HPCAL1: variants seen among roughly 807,000 people sequenced by gnomAD.
The protein encoded by HPCAL1 is hippocalcin-like protein 1.
A neutral mutation model predicts 17.1 loss-of-function variants in HPCAL1; 8 were observed. The ratio of observed to expected loss-of-function variants is 0.47; its 90% CI spans 0.27 to 0.84. The LOEUF is 0.84. HPCAL1 is among the 40% of genes least tolerant of loss of function. The pLI, the probability that HPCAL1 is intolerant of heterozygous loss-of-function variation, is 0.13. For missense variants in HPCAL1, 165 were observed against 271.1 expected, an observed-to-expected ratio of 0.61 and a Z score of 2.75; for synonymous variants, 112 against 111.4, an observed-to-expected ratio of 1.01 and a Z score of -0.03.
In HPCAL1 at chr2:10,338,335, G is replaced by T. The variant is rs1231477832; in HGVS notation, c.-111+35158G>T. Among the ~76,000 whole-genome samples, 6 of 152,116 alleles carry T rather than the reference G, an allele frequency of 3.9e-5. No individual in the cohort carries two copies. In the East Asian group the frequency reaches 1.2e-3, roughly 29 times the overall value. Reference sequence around the variant, plus strand: ...CCCTTAAAAACACACAAAGCAAATTGACAAATTATTGGGAGGCAACATAAG... The same window carrying T: ...CCCTTAAAAACACACAAAGCAAATTTACAAATTATTGGGAGGCAACATAAG... On this transcript the variant is annotated intron_variant, in intron 1 of 4. Transcript: ENST00000307845.
At chr2:10,370,614 G>C (rs1266149759) in intron 1 of HPCAL1, among the ~76,000 whole-genome samples, 1 of 152,238 alleles carries the variant, frequency 6.6e-6, no homozygotes, top group Non-Finnish European at 1.5e-5. Flanking sequence ...GCTGCCCCAT[G>C]ATGCCAGGGC....
At chr2:10,353,003 G>A (rs1016402320) in intron 1 of HPCAL1, among the ~76,000 whole-genome samples, 1 of 152,212 alleles carries the variant, frequency 6.6e-6, no homozygotes, top group African/African-American at 2.4e-5. Context: ...TGCTTTGTCA[G>A]CTCTGTAGAG....
At chr2:10,399,397 TCACCACCACCACCACCAC>T (rs1558518182) in intron 2 of HPCAL1, among the ~76,000 whole-genome samples, 1 of 6,378 alleles carries the variant, frequency 1.6e-4, no homozygotes, top group Non-Finnish European at 2.6e-4. Context: ...ACCACCACCA[TCACCACCACCACCACCAC>T]CACCACCATC....
chr2:10,333,780 A>G (rs1035445766), intron 1 of HPCAL1, among the ~76,000 whole-genome samples: 1 of 152,116 alleles, frequency 6.6e-6, no homozygotes, highest in African/African-American at 2.4e-5. Context: ...TCTGAGCTAT[A>G]CCCCTCCAGA....
intron 1 of HPCAL1, among the ~76,000 whole-genome samples, chr2:10,309,966 C>T (rs908320288): frequency 6.6e-6 from 1 of 152,172 alleles, no homozygotes; most frequent in African/African-American, 2.4e-5. Context: ...ATTCTTGAAT[C>T]GGAGTATTAG....
At chr2:10,381,271 G>A (rs967523754) in intron 1 of HPCAL1, among the ~76,000 whole-genome samples, 2 of 152,206 alleles carry the variant, frequency 1.3e-5, no homozygotes, top group Non-Finnish European at 2.9e-5. Flanking sequence ...AGGATGTTAC[G>A]TTGTGCTTTG....
At position 10,359,015 on chromosome 2, in the gene HPCAL1, G is replaced by A. The variant is rs757763608; in HGVS notation, c.-110-37820G>A. On this transcript the variant is annotated intron_variant, in intron 1 of 4. Coordinates refer to ENST00000307845, the MANE Select transcript of HPCAL1 (RefSeq NM_002149.4). The surrounding 1 kb of genome is among the most constrained non-coding windows in gnomAD (Gnocchi z 4.1). Reference sequence around the variant, plus strand: ...GGGGTTGGAGCCCCACAGCCTGCCCGTCTGCATGCTCCCCTTGAGGTTTGA... The same window carrying A: ...GGGGTTGGAGCCCCACAGCCTGCCCATCTGCATGCTCCCCTTGAGGTTTGA... Among the ~76,000 whole-genome samples, 3 of 146,758 alleles carry A rather than the reference G, an allele frequency of 2.0e-5. No homozygotes were observed. The highest frequency in any genetic ancestry group is 4.2e-4 in the South Asian group (2 of 4,766).
chr2:10,370,958 G>A (rs1667166827), intron 1 of HPCAL1, among the ~76,000 whole-genome samples: 1 of 152,228 alleles, frequency 6.6e-6, no homozygotes, highest in Non-Finnish European at 1.5e-5. Context: ...TTCACCTGTG[G>A]GATCCGAGGC....
At chr2:10,382,989 G>A (rs936901468) in intron 1 of HPCAL1, among the ~76,000 whole-genome samples, 4 of 152,186 alleles carry the variant, frequency 2.6e-5, no homozygotes, top group African/African-American at 2.4e-5. Flanking sequence ...AGTGGTGTGC[G>A]GGACACCCTG....
chr2:10,412,893 G>A (rs147841242), intron 2 of HPCAL1, among the ~76,000 whole-genome samples: 152 of 152,254 alleles, frequency 1.0e-3, no homozygotes, highest in African/African-American at 3.3e-3. Flanking sequence ...CAAGGTCATA[G>A]GCACAGTCTT....
At chr2:10,386,114 C>T (rs1323032527) in intron 1 of HPCAL1, among the ~76,000 whole-genome samples, 8 of 152,242 alleles carry the variant, frequency 5.3e-5, no homozygotes, top group African/African-American at 1.7e-4. Context: ...CATGGGCCAG[C>T]CACACCCCAG....
chr2:10,336,004 G>A (rs142784790), intron 1 of HPCAL1, among the ~76,000 whole-genome samples: 1,356 of 101,924 alleles, frequency 0.013, 31 homozygotes, highest in African/African-American at 0.042. Context: ...TTGCATGTTC[G>A]TATCCTCTGG....
At chr2:10,392,915 G>C (rs189577747) in intron 1 of HPCAL1, among the ~76,000 whole-genome samples, 1 of 152,320 alleles carries the variant, frequency 6.6e-6, no homozygotes, top group Non-Finnish European at 1.5e-5. Flanking sequence ...CTCCCAGTTG[G>C]GGAGTTCGGA....
At chr2:10,356,309 C>T (rs142751525) in intron 1 of HPCAL1, among the ~76,000 whole-genome samples, 83 of 152,278 alleles carry the variant, frequency 5.5e-4, no homozygotes, top group Non-Finnish European at 6.0e-4. Context: ...GGTCACAGGA[C>T]GCCTCTTAGT....
At chr2:10,416,308 G>C (rs1041533711) in intron 2 of HPCAL1, among the ~76,000 whole-genome samples, 1 of 152,230 alleles carries the variant, frequency 6.6e-6, no homozygotes, top group Admixed American at 6.5e-5. Context: ...AGTGAGCGAT[G>C]CCCTGGGCAC....
intron 1 of HPCAL1, among the ~76,000 whole-genome samples, chr2:10,348,071 G>A (rs1343315679): frequency 1.3e-5 from 2 of 152,168 alleles, no homozygotes; most frequent in Non-Finnish European, 2.9e-5. Context: ...AGTTCAAGGG[G>A]GCAGGGATTT....
chr2:10,361,920 T>TTGGC (rs1294791742), intron 1 of HPCAL1, among the ~76,000 whole-genome samples: 1 of 152,194 alleles, frequency 6.6e-6, no homozygotes, highest in Non-Finnish European at 1.5e-5. Context: ...TTTCATCATG[T>TTGGC]TGGCCTCAGA....
At chr2:10,397,626 G>C (rs1456049611) in intron 2 of HPCAL1, among the ~76,000 whole-genome samples, 1 of 152,216 alleles carries the variant, frequency 6.6e-6, no homozygotes, top group African/African-American at 2.4e-5. Flanking sequence ...CCCAGTGTTA[G>C]CCTGGCTTAG....
intron 1 of HPCAL1, among the ~76,000 whole-genome samples, chr2:10,325,453 G>A (rs1430180029): frequency 6.6e-6 from 1 of 152,218 alleles, no homozygotes; most frequent in Non-Finnish European, 1.5e-5. Flanking sequence ...AGGCGGCAGT[G>A]CCAGCGTTGG....
Sources: allele counts gnomAD v4.1 joint callset (sites outside exome capture counted in the v4.1 genomes callset), GRCh38; gene constraint gnomAD v4.1.1; non-coding constraint Gnocchi (gnomAD v3.1); transcripts MANE v1.5; gene names NCBI Gene and HGNC (gene_info 2026-07-23, HGNC 2026-07-21).